Variants in PLEKHG1 observed in about 807,000 individuals in gnomAD.
The protein encoded by PLEKHG1 is pleckstrin homology domain-containing family G member 1.
A neutral mutation model predicts 100.8 loss-of-function variants in PLEKHG1; 44 were observed. The ratio of observed to expected loss-of-function variants is 0.44; its 90% CI spans 0.34 to 0.56. The LOEUF is 0.56. Ranked by LOEUF, PLEKHG1 falls within the 20% of genes least tolerant of loss-of-function variation. The probability of loss-of-function intolerance (pLI) is 0.01; values close to 1 mark genes in which losing one functional copy is unlikely to be tolerated. For missense variants in PLEKHG1, 1,545 were observed against 1,720.9 expected, an observed-to-expected ratio of 0.90 and a Z score of 1.81; for synonymous variants, 640 against 662.5, an observed-to-expected ratio of 0.97 and a Z score of 0.52.
At chr6:150,674,625 T>TC (rs1554258814) in intron 3 of PLEKHG1, among the ~76,000 whole-genome samples, 1,690 of 91,614 alleles carry the variant, frequency 0.018, 121 homozygotes, top group South Asian at 0.058. Flanking sequence ...ACTTTCTCTC[T>TC]CTCCTCCCTC....
At chr6:150,804,079 T>C (rs535770084) in intron 6 of PLEKHG1, among the ~76,000 whole-genome samples, 97 of 146,188 alleles carry the variant, frequency 6.6e-4, no homozygotes, top group Admixed American at 2.1e-3. Flanking sequence ...TTTTTTTTTT[T>C]CCCCTTGTCT....
intron 13 of PLEKHG1, among the ~76,000 whole-genome samples, chr6:150,821,827 C>G (rs1215484755): frequency 1.3e-5 from 1 of 79,134 alleles, no homozygotes; most frequent in Non-Finnish European, 2.7e-5. Flanking sequence ...ACAGAGGACT[C>G]TTTTATTTTT....
intron 3 of PLEKHG1, among the ~76,000 whole-genome samples, chr6:150,769,459 G>A (rs1408166239): frequency 6.6e-6 from 1 of 151,536 alleles, no homozygotes; most frequent in Non-Finnish European, 1.5e-5. Flanking sequence ...GTGCACACCT[G>A]TAACCCCAGC....
intron 4 of PLEKHG1, among the ~76,000 whole-genome samples, chr6:150,788,408 T>G (rs1439175145): frequency 1.3e-5 from 2 of 152,254 alleles, no homozygotes; most frequent in Non-Finnish European, 2.9e-5. Context: ...AGTTGACTTC[T>G]GCTTTTATCT....
chr6:150,599,981 G>A, exon 1 of PLEKHG1: 1 of 232,556 alleles, frequency 4.3e-6, no homozygotes, highest in Non-Finnish European at 9.1e-6. Flanking sequence ...CCCGACCTGC[G>A]AGCGCCGCCC....
At chr6:150,816,992 A>G (rs1213155840) in intron 10 of PLEKHG1, among the ~76,000 whole-genome samples, 1 of 152,178 alleles carries the variant, frequency 6.6e-6, no homozygotes, top group African/African-American at 2.4e-5. Flanking sequence ...TCAGGCTGTA[A>G]TGCGAGCCAT....
chr6:150,685,612 CTTT>C (rs1231810898), intron 3 of PLEKHG1, among the ~76,000 whole-genome samples: 4,297 of 152,242 alleles, frequency 0.028, 191 homozygotes, highest in African/African-American at 0.099. Flanking sequence ...TGCATTTCGA[CTTT>C]CTCTCTGACC....
chr6:150,837,287 A>G (rs1270953946), intron 15 of PLEKHG1, among the ~76,000 whole-genome samples: 1 of 152,248 alleles, frequency 6.6e-6, no homozygotes, highest in Admixed American at 6.5e-5. Context: ...CACACTATGT[A>G]AGACTTCAGA....
chr6:150,674,278 TGAACAA>T (rs1267123914), intron 3 of PLEKHG1, among the ~76,000 whole-genome samples: 1 of 150,520 alleles, frequency 6.6e-6, no homozygotes, highest in Non-Finnish European at 1.5e-5. Context: ...AAAAAAAAAA[TGAACAA>T]GCGTTGAAAA....
intron 3 of PLEKHG1, among the ~76,000 whole-genome samples, chr6:150,653,982 T>C (rs1261657037): frequency 1.3e-5 from 2 of 152,208 alleles, no homozygotes; most frequent in African/African-American, 4.8e-5. Context: ...ACTAATTTAT[T>C]CGGTACTACA....
chr6:150,604,794 C>T (rs771012774), intron 1 of PLEKHG1, among the ~76,000 whole-genome samples: 2 of 152,186 alleles, frequency 1.3e-5, no homozygotes, highest in Non-Finnish European at 2.9e-5. Context: ...GAGTTAGATG[C>T]TGAATGGGGG....
intron 2 of PLEKHG1, among the ~76,000 whole-genome samples, chr6:150,742,363 A>G (rs1237945223): frequency 2.6e-5 from 4 of 152,054 alleles, no homozygotes; most frequent in Non-Finnish European, 5.9e-5. Flanking sequence ...TCAGGAGTTC[A>G]AGACCAGCCT....
At chr6:150,626,640 C>G (rs1200161689) in intron 1 of PLEKHG1, among the ~76,000 whole-genome samples, 1 of 152,204 alleles carries the variant, frequency 6.6e-6, no homozygotes, top group Non-Finnish European at 1.5e-5. Context: ...TCATTCATGA[C>G]ACCACCCAAG....
Position 150,804,510 on chromosome 6 carries a change from A to T in PLEKHG1, c.781-100A>T. 3 of 1,010,814 alleles carry T rather than the reference A, an allele frequency of 3.0e-6. No homozygotes were observed. In the East Asian group the frequency reaches 8.3e-5, roughly 28 times the overall value. The allele number at this position is 1,010,814 out of a possible 1,614,324, so 62.6% of individuals were successfully genotyped here. A position where few individuals can be genotyped will look rare whatever the true frequency, so the allele number is the denominator to read the frequency against. On this transcript the variant is annotated intron_variant, in intron 6 of 15. Transcript: ENST00000358517. ...GATAGTGTGTAAATAAATAAGCAAA[A>T]ATAAAATATAAGGAACTAATCATAG...
intron 15 of PLEKHG1, among the ~76,000 whole-genome samples, chr6:150,834,184 G>GTGAGA (rs1777105881): frequency 6.6e-6 from 1 of 152,168 alleles, no homozygotes; most frequent in Non-Finnish European, 1.5e-5. Context: ...AGACTAGAAT[G>GTGAGA]CATGTATTTT....
chr6:150,735,925 C>A (rs1027352252), intron 2 of PLEKHG1, among the ~76,000 whole-genome samples: 7 of 152,316 alleles, frequency 4.6e-5, no homozygotes, highest in African/African-American at 9.6e-5. Context: ...CAGATAAAGA[C>A]AGAATTTATT....
At chr6:150,647,652 C>T (rs1778557916) in intron 2 of PLEKHG1, among the ~76,000 whole-genome samples, 1 of 152,152 alleles carries the variant, frequency 6.6e-6, no homozygotes, top group African/African-American at 2.4e-5. Context: ...AAATATAACA[C>T]TGATGGCTAT....
intron 3 of PLEKHG1, among the ~76,000 whole-genome samples, chr6:150,657,470 C>G (rs1374424482): frequency 6.6e-6 from 1 of 152,172 alleles, no homozygotes; most frequent in African/African-American, 2.4e-5. Context: ...TTAATTAAGT[C>G]AAAATTGTTT....
chr6:150,773,465 C>T (rs917269006), intron 3 of PLEKHG1, among the ~76,000 whole-genome samples: 12 of 152,214 alleles, frequency 7.9e-5, no homozygotes, highest in African/African-American at 2.9e-4. Flanking sequence ...GCCCGGGAGG[C>T]AGAGGCTGCA....
Sources: allele counts gnomAD v4.1 joint callset (sites outside exome capture counted in the v4.1 genomes callset), GRCh38; gene constraint gnomAD v4.1.1; transcripts MANE v1.5; gene names NCBI Gene and HGNC (gene_info 2026-07-23, HGNC 2026-07-21).